HLTF: variants seen among roughly 807,000 people sequenced by gnomAD.
HLTF encodes the protein DNA-dependent ATPase/E3 ubiquitin-protein ligase HLTF.
HLTF carries 127 observed loss-of-function variants against 129.4 expected under a neutral mutation model. The observed-to-expected ratio is 0.98, with a 90% CI of 0.85 to 1.14. The LOEUF (loss-of-function observed/expected upper bound fraction) is 1.14, where lower values mean the gene tolerates loss of function less well. HLTF is among the 50% of genes most tolerant of loss of function. The probability of loss-of-function intolerance (pLI) is 0.00; values close to 1 mark genes in which losing one functional copy is unlikely to be tolerated. For missense variants in HLTF, 1,139 were observed against 1,187.1 expected (o/e 0.96, Z 0.60); for synonymous variants, 332 against 388.8 (o/e 0.85, Z 1.72).
chr3:149,039,641 A>G lies in HLTF; in HGVS notation c.2555T>C (p.Ile852Thr). Residue 852 changes from isoleucine (I) to threonine (T), a missense_variant, in exon 22 of 25, where the codon ATA becomes ACA. Physicochemically the swap from Ile to Thr is moderately conservative, Grantham distance 89 (BLOSUM62 -1). Transcript: ENST00000310053. Reference protein sequence around the residue: ...LTDLRKKNPNIKSLVVSQFTT... With the variant: ...LTDLRKKNPNTKSLVVSQFTT... ...AAACTGAGAAACAACCAAACTTTTT[A>G]TGTTGGGATTCTTCTTTCTTAAGTC... 6.2e-7 allele frequency: 1 copy of G among 1,608,310 alleles called. No individual in the cohort carries two copies. The highest frequency in any genetic ancestry group is 8.5e-7 in the Non-Finnish European group (1 of 1,177,356).
intron 13 of HLTF, among the ~76,000 whole-genome samples, chr3:149,057,125 A>T (rs1717518148): frequency 7.3e-6 from 1 of 136,684 alleles, no homozygotes; most frequent in African/African-American, 2.7e-5. Context: ...AAAAAAAAAA[A>T]AAAAAAAAAA....
chr3:149,062,853 C>T (rs1404583132), intron 10 of HLTF, among the ~76,000 whole-genome samples: 1 of 151,944 alleles, frequency 6.6e-6, no homozygotes, highest in African/African-American at 2.4e-5. Context: ...AGTTCCTTGA[C>T]AAAATAGAAA....
chr3:149,078,606 CCAGCACTT>C, intron 2 of HLTF, among the ~76,000 whole-genome samples: 1 of 151,866 alleles, frequency 6.6e-6, no homozygotes, highest in Middle Eastern at 3.4e-3. Flanking sequence ...GCCTGTAATC[CCAGCACTT>C]TGGGAGGCCG....
rs2107932346 is a variant in HLTF, at chr3:149,030,997, T to C, written c.*1223A>G. 1 of 152,294 alleles carries C rather than the reference T, an allele frequency of 6.6e-6. No individual in the cohort carries two copies. The highest frequency in any genetic ancestry group is 1.9e-4 in the East Asian group (1 of 5,188). 9.4% of individuals were successfully genotyped at this position (152,294 alleles called of 1,614,324 possible). A position where few individuals can be genotyped will look rare whatever the true frequency, so the allele number is the denominator to read the frequency against. On this transcript the variant is annotated 3_prime_UTR_variant, in exon 25 of 25. Transcript: ENST00000310053. ...TGTATCATCAAACATGAAGCTTCTC[T>C]TGTTTGTTAGAGTAATTAATCTTTC... is the stretch of plus-strand genomic sequence containing the variant.
chr3:149,033,217 G>A lies in HLTF; in HGVS notation c.2878-845C>T, dbSNP rs147593347. Among the ~76,000 whole-genome samples the A allele has an allele frequency of 6.6e-4, 100 of 152,110 alleles. 1 individual carries two copies. The East Asian group carries it at 0.017, about 26-fold the overall frequency. On this transcript the variant is annotated intron_variant, in intron 24 of 24. Coordinates refer to ENST00000310053, the MANE Select transcript of HLTF (RefSeq NM_003071.4). ...GCTACTATTTAACATTGTTTAAGAAGACCCAATTACTGCAATAACTAAAGC... is the reference window on the plus strand; with the variant it reads ...GCTACTATTTAACATTGTTTAAGAAAACCCAATTACTGCAATAACTAAAGC...
intron 8 of HLTF, among the ~76,000 whole-genome samples, chr3:149,066,548 T>C (rs1440626788): frequency 6.6e-6 from 1 of 151,696 alleles, no homozygotes; most frequent in Admixed American, 6.6e-5. Context: ...TTTTTTTTAA[T>C]AAATCCCTGG....
In HLTF at chr3:149,086,346, T is replaced by A; in HGVS notation, c.-10A>T. The A allele has an allele frequency of 6.3e-7, 1 of 1,591,338 alleles. No individual in the cohort carries two copies. ...TGAACATCCAGGACATGGCGCTGAG[T>A]GGGATGACAAGAGGAGCGCCTCGGC... On this transcript the variant is annotated 5_prime_UTR_variant, in exon 1 of 25. Transcript: ENST00000310053.
At chr3:149,059,461 G>A in intron 13 of HLTF, 1 of 491,242 alleles carries the variant, frequency 2.0e-6, no homozygotes, top group Non-Finnish European at 3.7e-6. Flanking sequence ...ATCACTAGAA[G>A]AAATATCTCT....
At chr3:149,058,888 C>T (rs1009895924) in intron 13 of HLTF, among the ~76,000 whole-genome samples, 3 of 152,184 alleles carry the variant, frequency 2.0e-5, no homozygotes, top group Admixed American at 6.5e-5. Flanking sequence ...TAATTTAATT[C>T]TATCTCAACC....
At chr3:149,061,457 T>A (rs960238395) in intron 10 of HLTF, among the ~76,000 whole-genome samples, 6 of 151,716 alleles carry the variant, frequency 4.0e-5, no homozygotes, top group Non-Finnish European at 8.8e-5. Flanking sequence ...TTTGAAAAAC[T>A]AAGTCATTCT....
rs2107935858 is a variant in HLTF, at chr3:149,032,083, G to C, written c.*137C>G. On this transcript the variant is annotated 3_prime_UTR_variant, in exon 25 of 25. Coordinates refer to ENST00000310053, the MANE Select transcript of HLTF (RefSeq NM_003071.4). Reference sequence around the variant, plus strand: ...TTCATATATAGAAGAAATTGTGTCAGTAATACCTCTTCACTAATATAAAAT... The same window carrying C: ...TTCATATATAGAAGAAATTGTGTCACTAATACCTCTTCACTAATATAAAAT... 1.8e-6 allele frequency: 1 copy of C among 568,706 alleles called. No individual in the cohort carries two copies. The highest frequency in any genetic ancestry group is 2.9e-6 in the Non-Finnish European group (1 of 348,858). The allele number at this position is 568,706 out of a possible 1,614,324, so 35.2% of individuals were successfully genotyped here. A position where few individuals can be genotyped will look rare whatever the true frequency, so the allele number is the denominator to read the frequency against.
Position 149,031,446 on chromosome 3 carries a change from C to T in HLTF, c.*774G>A, listed in dbSNP as rs1715031690. 6.6e-6 allele frequency: 1 copy of T among 152,656 alleles called. No homozygotes were observed. The highest frequency in any genetic ancestry group is 1.9e-4 in the East Asian group (1 of 5,194). 9.5% of individuals were successfully genotyped at this position (152,656 alleles called of 1,614,324 possible). A position where few individuals can be genotyped will look rare whatever the true frequency, so the allele number is the denominator to read the frequency against. Reference sequence around the variant, plus strand: ...TCTATTTATAGAAATATCTATTTAGCAGTTCCATAATTTAAAATATTCAAA... The same window carrying T: ...TCTATTTATAGAAATATCTATTTAGTAGTTCCATAATTTAAAATATTCAAA... On this transcript the variant is annotated 3_prime_UTR_variant, in exon 25 of 25. Transcript: ENST00000310053.
intron 10 of HLTF, among the ~76,000 whole-genome samples, chr3:149,061,386 G>A (rs893715135): frequency 1.1e-4 from 17 of 151,270 alleles, no homozygotes; most frequent in South Asian, 2.1e-4. Flanking sequence ...ACACCAGCCC[G>A]CCTGACAGAG....
chr3:149,064,104 T>G (rs1056497752), intron 9 of HLTF, among the ~76,000 whole-genome samples: 1 of 152,110 alleles, frequency 6.6e-6, no homozygotes, highest in African/African-American at 2.4e-5. Flanking sequence ...TATCTATACT[T>G]TCCTTCAACC....
intron 14 of HLTF, among the ~76,000 whole-genome samples, chr3:149,054,225 A>G (rs1200746629): frequency 6.6e-6 from 1 of 152,144 alleles, no homozygotes. Context: ...AAGTAAAAGC[A>G]CAAAGTAGAA....
intron 14 of HLTF, among the ~76,000 whole-genome samples, chr3:149,051,380 TGA>T (rs1716982300): frequency 6.6e-6 from 1 of 151,858 alleles, no homozygotes; most frequent in Admixed American, 6.6e-5. Flanking sequence ...TAGATAGAAG[TGA>T]GAGGTGTAGA....
At chr3:149,039,955 G>A (rs1382656640) in intron 21 of HLTF, 76 bp downstream of exon 21, 4 of 1,287,218 alleles carry the variant, frequency 3.1e-6, no homozygotes, top group Admixed American at 5.0e-5. Context: ...GCAGAATTAC[G>A]ATTTTGATAT....
chr3:149,041,391 T>C (rs1213120843), intron 20 of HLTF, 99 bp downstream of exon 20: 10 of 643,318 alleles, frequency 1.6e-5, no homozygotes, highest in African/African-American at 1.1e-4. Context: ...GGTATATTAT[T>C]AAATCCAAGT....
chr3:149,034,114 G>C (rs1336603909), intron 24 of HLTF, among the ~76,000 whole-genome samples: 2 of 152,034 alleles, frequency 1.3e-5, no homozygotes, highest in Non-Finnish European at 2.9e-5. Flanking sequence ...CAAGGTTTTA[G>C]GTAAATGCAA....
Sources: allele counts gnomAD v4.1 joint callset (sites outside exome capture counted in the v4.1 genomes callset), GRCh38; gene constraint gnomAD v4.1.1; transcripts MANE v1.5; gene names NCBI Gene and HGNC (gene_info 2026-07-23, HGNC 2026-07-21).